Variants in RNF220 observed in about 807,000 individuals in gnomAD.
The protein encoded by RNF220 is E3 ubiquitin-protein ligase RNF220.
Under a neutral mutation model 67.1 loss-of-function variants are expected in RNF220, and 7 were observed. That is an observed-to-expected ratio of 0.10 (90% CI 0.06 to 0.20). RNF220 has a LOEUF of 0.20. Among genes scored for constraint, RNF220 ranks in the 10% least tolerant of loss-of-function variants. The pLI, the probability that RNF220 is intolerant of heterozygous loss-of-function variation, is 1.00. For missense variants in RNF220, 565 were observed against 740.3 expected (o/e 0.76, Z 2.75); for synonymous variants, 270 against 283.2 (o/e 0.95, Z 0.47).
intron 2 of RNF220, among the ~76,000 whole-genome samples, chr1:44,541,289 G>A (rs1027649758): frequency 6.6e-6 from 1 of 152,306 alleles, no homozygotes; most frequent in East Asian, 1.9e-4. Flanking sequence ...TTAGCCAGGT[G>A]TGGTGGCACA....
intron 2 of RNF220, among the ~76,000 whole-genome samples, chr1:44,594,294 C>T (rs2148379315): frequency 6.6e-6 from 1 of 152,136 alleles, no homozygotes; most frequent in South Asian, 2.1e-4. Flanking sequence ...TACTTCATTC[C>T]CTCCTCCTCC....
chr1:44,471,948 C>T (rs1346694178), intron 2 of RNF220, among the ~76,000 whole-genome samples: 1 of 152,188 alleles, frequency 6.6e-6, no homozygotes, highest in Non-Finnish European at 1.5e-5. Flanking sequence ...CTAGACATTG[C>T]ACATAAATAA....
chr1:44,411,024 G>A (rs1031407404), intron 1 of RNF220, among the ~76,000 whole-genome samples: 1 of 152,076 alleles, frequency 6.6e-6, no homozygotes, highest in African/African-American at 2.4e-5. Context: ...GCTCTGACTG[G>A]GCCAATAAGC....
intron 2 of RNF220, among the ~76,000 whole-genome samples, chr1:44,415,766 A>T (rs1374321507): frequency 6.6e-6 from 1 of 152,114 alleles, no homozygotes; most frequent in African/African-American, 2.4e-5. Context: ...TTTATGACTG[A>T]GTTTTAGGTC....
At chr1:44,500,747 C>A (rs767475732) in intron 2 of RNF220, among the ~76,000 whole-genome samples, 7 of 152,152 alleles carry the variant, frequency 4.6e-5, no homozygotes, top group Non-Finnish European at 8.8e-5. Context: ...CCAGAGCCTG[C>A]CAGACCATTC....
intron 2 of RNF220, among the ~76,000 whole-genome samples, chr1:44,490,562 A>C (rs951748677): frequency 6.6e-6 from 1 of 152,046 alleles, no homozygotes; most frequent in Non-Finnish European, 1.5e-5. Context: ...TGAAAACACA[A>C]CACCAAAACT....
chr1:44,503,109 A>G (rs1273371390), intron 2 of RNF220, among the ~76,000 whole-genome samples: 3 of 152,058 alleles, frequency 2.0e-5, no homozygotes, highest in Non-Finnish European at 4.4e-5. Context: ...CTAGATGGGC[A>G]GATCATTTGA....
At chr1:44,509,479 G>A (rs1276079655) in intron 2 of RNF220, among the ~76,000 whole-genome samples, 1 of 151,560 alleles carries the variant, frequency 6.6e-6, no homozygotes. Flanking sequence ...GAACCCAGGA[G>A]GCGGAGCTTG....
intron 2 of RNF220, among the ~76,000 whole-genome samples, chr1:44,442,514 C>CTTT (rs10636964): frequency 0.023 from 2,956 of 127,718 alleles, 212 homozygotes; most frequent in African/African-American, 0.083. Context: ...CACTCACACT[C>CTTT]TTTTTTTTTT....
intron 2 of RNF220, among the ~76,000 whole-genome samples, chr1:44,485,711 G>A (rs1213932322): frequency 6.6e-6 from 1 of 152,134 alleles, no homozygotes; most frequent in African/African-American, 2.4e-5. Flanking sequence ...TGTAATAATA[G>A]AGGCCCCAGT....
intron 2 of RNF220, among the ~76,000 whole-genome samples, chr1:44,502,157 TCACACACACA>T (rs57102316): frequency 1.4e-5 from 2 of 144,070 alleles, no homozygotes; most frequent in African/African-American, 5.2e-5. Flanking sequence ...TCTCTCTCTC[TCACACACACA>T]CACACACACA....
intron 2 of RNF220, among the ~76,000 whole-genome samples, chr1:44,468,849 G>A (rs985494296): frequency 2.6e-5 from 4 of 151,980 alleles, no homozygotes; most frequent in African/African-American, 9.7e-5. Flanking sequence ...CCTGGGAGGC[G>A]GAGGTTGCAG....
At position 44,409,296 on chromosome 1, in the gene RNF220, C is replaced by G. The variant is rs185790900; in HGVS notation, c.-117-2685C>G. Among the ~76,000 whole-genome samples, 458 of 152,366 alleles carry G rather than the reference C, an allele frequency of 3.0e-3. 4 individuals carry two copies. The highest frequency in any genetic ancestry group is 0.011 in the African/African-American group (446 of 41,580). ...TTGTTGGTCCCTCCGTCCAACCTCA[C>G]TGCCTGCCAGACAATTTATTTAGCT... On this transcript the variant is annotated intron_variant, in intron 1 of 14. Coordinates refer to ENST00000361799, the MANE Select transcript of RNF220 (RefSeq NM_018150.4).
At chr1:44,577,674 C>T (rs921484779) in intron 2 of RNF220, among the ~76,000 whole-genome samples, 1 of 152,150 alleles carries the variant, frequency 6.6e-6, no homozygotes, top group East Asian at 1.9e-4. Context: ...AAATAAACAG[C>T]GTGGTAAAAT....
intron 1 of RNF220, among the ~76,000 whole-genome samples, chr1:44,407,079 T>C (rs1647412601): frequency 6.6e-6 from 1 of 151,956 alleles, no homozygotes; most frequent in African/African-American, 2.4e-5. Context: ...CGCGTCGCAC[T>C]GGGTGGGTGC....
intron 2 of RNF220, among the ~76,000 whole-genome samples, chr1:44,584,387 A>G (rs1665543399): frequency 6.6e-6 from 1 of 152,212 alleles, no homozygotes; most frequent in South Asian, 2.1e-4. Flanking sequence ...TCAAATTCCA[A>G]AGCAAGTCGT....
At chr1:44,588,554 T>A (rs1665879169) in intron 2 of RNF220, among the ~76,000 whole-genome samples, 1 of 152,218 alleles carries the variant, frequency 6.6e-6, no homozygotes, top group Non-Finnish European at 1.5e-5. Context: ...GAAACCTTTT[T>A]ATGACTCCAA....
At position 44,412,013 on chromosome 1, in the gene RNF220, C is replaced by G. The variant is rs1459483537; in HGVS notation, c.-85C>G. ...GAGGGAATGATTCCCCAGTAATATT[C>G]CCTGCCCTGACCCAAAGTGCTGGTT... On this transcript the variant is annotated 5_prime_UTR_variant, in exon 2 of 15. Transcript: ENST00000361799. The surrounding 1 kb of genome is among the most constrained non-coding windows in gnomAD (Gnocchi z 5.3). 2 of 1,470,408 alleles carry G rather than the reference C, an allele frequency of 1.4e-6. No homozygotes were observed. The highest frequency in any genetic ancestry group is 2.8e-5 in the African/African-American group (2 of 71,142). The allele number at this position is 1,470,408 out of a possible 1,614,324, so 91.1% of individuals were successfully genotyped here.
At chr1:44,484,508 C>T (rs1308872527) in intron 2 of RNF220, among the ~76,000 whole-genome samples, 1 of 152,094 alleles carries the variant, frequency 6.6e-6, no homozygotes, top group Admixed American at 6.5e-5. Context: ...ACAGGATCCC[C>T]CTGTGGCCGT....
Sources: gnomAD v4.1 joint callset for allele counts (sites outside exome capture counted in the v4.1 genomes callset) on GRCh38, gnomAD v4.1.1 for gene constraint, Gnocchi (gnomAD v3.1) non-coding constraint, MANE v1.5 for transcripts, NCBI Gene and HGNC (gene_info 2026-07-23, HGNC 2026-07-21) for gene names.